SGCG: variants seen among roughly 807,000 people sequenced by gnomAD.
SGCG encodes gamma-sarcoglycan.
Under a neutral mutation model 29.3 loss-of-function variants are expected in SGCG, and 26 were observed. The ratio of observed to expected loss-of-function variants is 0.89; its 90% CI spans 0.65 to 1.23. The LOEUF (loss-of-function observed/expected upper bound fraction) is 1.23, where lower values mean the gene tolerates loss of function less well. SGCG is among the 50% of genes most tolerant of loss of function. The pLI is 0.00. For synonymous variants in SGCG, 145 were observed against 129.7 expected (o/e 1.12, Z -0.80); for missense variants, 353 against 356.0 (o/e 0.99, Z 0.07).
chr13:23,240,293 G>A (rs1353187277), intron 3 of SGCG, among the ~76,000 whole-genome samples: 1 of 152,134 alleles, frequency 6.6e-6, no homozygotes, highest in Non-Finnish European at 1.5e-5. Flanking sequence ...AAACACTCAT[G>A]AATCCACTAT....
intron 4 of SGCG, among the ~76,000 whole-genome samples, chr13:23,264,991 A>G (rs1364302366): frequency 6.6e-6 from 1 of 152,164 alleles, no homozygotes; most frequent in African/African-American, 2.4e-5. Context: ...AAGAAAATCT[A>G]TAGAAAACTC....
intron 5 of SGCG, among the ~76,000 whole-genome samples, chr13:23,281,754 G>T (rs1009980485): frequency 6.6e-6 from 1 of 152,114 alleles, no homozygotes; most frequent in Non-Finnish European, 1.5e-5. Context: ...AGTAGGGTTC[G>T]CACTCCTATG....
intron 5 of SGCG, among the ~76,000 whole-genome samples, chr13:23,281,458 G>A (rs7489480): frequency 0.64 from 96,995 of 151,796 alleles, 32,668 homozygotes; most frequent in Middle Eastern, 0.84. Context: ...TGTTTCTAGA[G>A]AGTCCCCAGT....
chr13:23,304,498 T>C (rs1882288323), intron 6 of SGCG, among the ~76,000 whole-genome samples: 1 of 152,118 alleles, frequency 6.6e-6, no homozygotes, highest in Non-Finnish European at 1.5e-5. Flanking sequence ...TACCACCAAA[T>C]GTCTCTATAC....
At chr13:23,238,418 C>T (rs1262343861) in intron 3 of SGCG, among the ~76,000 whole-genome samples, 1 of 152,080 alleles carries the variant, frequency 6.6e-6, no homozygotes, top group African/African-American at 2.4e-5. Flanking sequence ...AGTGAAATAC[C>T]CACTCTAAGG....
chr13:23,201,851 T>C (rs1270203247), intron 1 of SGCG, among the ~76,000 whole-genome samples: 2 of 152,196 alleles, frequency 1.3e-5, no homozygotes, highest in African/African-American at 4.8e-5. Context: ...CTGGCCACCC[T>C]TCCCCATCCA....
chr13:23,168,198 T>C, the SGCG span, among the ~76,000 whole-genome samples: 8 of 152,236 alleles, frequency 5.3e-5, no homozygotes, highest in African/African-American at 1.9e-4. Flanking sequence ...TTTCCTTTGC[T>C]GTGCAGAAGC....
rs375420098 is a variant in SGCG, at chr13:23,203,675, G to A, written c.1-20G>A. On this transcript the variant is annotated intron_variant, in intron 1 of 7. Transcript: ENST00000218867. ...TCTCTGTCTCTTTCTCTCTCCTCTC[G>A]TGAACACACTCCGTGGCAGATGGTG... is the stretch of plus-strand genomic sequence containing the variant. 3.7e-5 allele frequency: 59 copies of A among 1,596,218 alleles called. 1 individual carries two copies. The Middle Eastern group carries it at 1.8e-3, about 49-fold the overall frequency.
intron 6 of SGCG, 21 bp from the exon 7 acceptor site, chr13:23,320,615 GT>G (rs1882999620): frequency 4.2e-6 from 3 of 712,584 alleles, no homozygotes; most frequent in South Asian, 2.7e-5. Context: ...TTTTTTTTTT[GT>G]GCTTCTTTTC....
At chr13:23,288,599 A>C (rs2137633000) in intron 5 of SGCG, among the ~76,000 whole-genome samples, 1 of 152,340 alleles carries the variant, frequency 6.6e-6, no homozygotes, top group South Asian at 2.1e-4. Flanking sequence ...GTTCAGTCTG[A>C]AACCAATTTA....
chr13:23,211,455 G>A (rs903010402), intron 2 of SGCG, among the ~76,000 whole-genome samples: 5 of 152,036 alleles, frequency 3.3e-5, no homozygotes, highest in African/African-American at 1.2e-4. Flanking sequence ...GGGGAGAGGG[G>A]GTAGAAAAGT....
At chr13:23,232,801 G>A (rs944640801) in intron 2 of SGCG, among the ~76,000 whole-genome samples, 2 of 152,084 alleles carry the variant, frequency 1.3e-5, no homozygotes, top group African/African-American at 4.8e-5. Flanking sequence ...ACAGTCAGAA[G>A]GGGAGGACAG....
chr13:23,311,063 G>C (rs1025094707), intron 6 of SGCG, among the ~76,000 whole-genome samples: 2 of 152,088 alleles, frequency 1.3e-5, no homozygotes, highest in African/African-American at 2.4e-5. Context: ...AAGATCTATA[G>C]ATTGTACATT....
At chr13:23,198,485 A>T (rs1877601585) in intron 1 of SGCG, among the ~76,000 whole-genome samples, 1 of 152,208 alleles carries the variant, frequency 6.6e-6, no homozygotes, top group South Asian at 2.1e-4. Flanking sequence ...AGTGCTTCAC[A>T]TCTGGAGCCC....
At position 23,295,449 on chromosome 13, in the gene SGCG, G is replaced by A. The variant is rs1384341355; in HGVS notation, c.540G>A (p.Glu180=). ...GGGCTCTTTTTGAACATTCAGTGGA[G>A]ACACCCCTTGTCAGAGCCGACCCGT... The part of the protein sequence containing the change: ...PEGALFEHSV[E]TPLVRADPFQ... Residue 180 remains glutamate, a synonymous_variant, in exon 6 of 8, where the codon GAG becomes GAA. Transcript: ENST00000218867. The A allele has an allele frequency of 8.1e-6, 13 of 1,613,924 alleles. No homozygotes were observed. The highest frequency in any genetic ancestry group is 3.3e-5 in the Admixed American group (2 of 60,004).
At chr13:23,252,701 A>G (rs1880020041) in intron 4 of SGCG, among the ~76,000 whole-genome samples, 1 of 145,922 alleles carries the variant, frequency 6.9e-6, no homozygotes, top group African/African-American at 2.6e-5. Flanking sequence ...AAAAAAAACA[A>G]AACAAAACAA....
At chr13:23,171,567 T>A in the SGCG span, among the ~76,000 whole-genome samples, 1 of 152,312 alleles carries the variant, frequency 6.6e-6, no homozygotes, top group South Asian at 2.1e-4. Context: ...CTTTTTGGGA[T>A]CTAAGGCAGC....
intron 4 of SGCG, among the ~76,000 whole-genome samples, chr13:23,263,349 C>T (rs1880518875): frequency 6.6e-6 from 1 of 152,072 alleles, no homozygotes; most frequent in Non-Finnish European, 1.5e-5. Context: ...CCTGTAGACA[C>T]TTCTGTGCAC....
At chr13:23,293,867 A>C (rs1375965044) in intron 5 of SGCG, among the ~76,000 whole-genome samples, 1 of 151,890 alleles carries the variant, frequency 6.6e-6, no homozygotes. Context: ...GGCTGCTCAA[A>C]AGATCTTTTG....
Sources: allele counts gnomAD v4.1 joint callset (sites outside exome capture counted in the v4.1 genomes callset), GRCh38; gene constraint gnomAD v4.1.1; transcripts MANE v1.5; gene names NCBI Gene and HGNC (gene_info 2026-07-23, HGNC 2026-07-21).